The following PHACTR1 variants were observed in gnomAD, a reference collection of about 807,000 sequenced individuals.
The protein encoded by PHACTR1 is RPEL repeat containing 1.
Under a neutral mutation model 69.2 loss-of-function variants are expected in PHACTR1, and 16 were observed. The ratio of observed to expected loss-of-function variants is 0.23; its 90% CI spans 0.16 to 0.35. The LOEUF (loss-of-function observed/expected upper bound fraction) is 0.35, where lower values mean the gene tolerates loss of function less well. PHACTR1 is among the 10% of genes least tolerant of loss of function. The pLI, the probability that PHACTR1 is intolerant of heterozygous loss-of-function variation, is 1.00. For missense variants in PHACTR1, 510 were observed against 734.7 expected (o/e 0.69, Z 3.54); for synonymous variants, 312 against 284.5 (o/e 1.10, Z -0.97).
At chr6:12,790,586 T>C (rs572675360) in intron 4 of PHACTR1, among the ~76,000 whole-genome samples, 1 of 152,236 alleles carries the variant, frequency 6.6e-6, no homozygotes, top group Non-Finnish European at 1.5e-5. Flanking sequence ...GTCTGTTTTG[T>C]TCAGTAACCA....
chr6:13,166,473 A>G (rs1438562375), intron 6 of PHACTR1, among the ~76,000 whole-genome samples: 1 of 152,186 alleles, frequency 6.6e-6, no homozygotes, highest in Non-Finnish European at 1.5e-5. Context: ...GCAAATGCGA[A>G]TAGAAAGCAA....
At chr6:12,957,359 T>A in intron 4 of PHACTR1, 1 of 983,858 alleles carries the variant, frequency 1.0e-6, no homozygotes. Flanking sequence ...GCTTGCTGAG[T>A]CAGAAGACTC....
intron 4 of PHACTR1, among the ~76,000 whole-genome samples, chr6:12,921,534 G>GAGGA (rs1245272215): frequency 8.1e-6 from 1 of 123,136 alleles, no homozygotes; most frequent in Non-Finnish European, 1.7e-5. Context: ...GGGAGGGAGG[G>GAGGA]AGGAGGGAAA....
chr6:13,199,826 T>C (rs1764968292), intron 7 of PHACTR1, among the ~76,000 whole-genome samples: 1 of 152,238 alleles, frequency 6.6e-6, no homozygotes, highest in Non-Finnish European at 1.5e-5. Context: ...TCTTATCATT[T>C]ACAAAAGGCT....
At chr6:13,197,757 G>A (rs574688107) in intron 7 of PHACTR1, among the ~76,000 whole-genome samples, 60 of 152,174 alleles carry the variant, frequency 3.9e-4, no homozygotes, top group African/African-American at 1.2e-3. Flanking sequence ...TTCTGCCCTC[G>A]GCCCACAGCA....
At chr6:12,819,384 A>C (rs993811807) in intron 4 of PHACTR1, among the ~76,000 whole-genome samples, 4 of 152,196 alleles carry the variant, frequency 2.6e-5, no homozygotes, top group Non-Finnish European at 4.4e-5. Flanking sequence ...TGAACACTAG[A>C]GCAGCTCAAA....
At chr6:12,785,883 A>C (rs1771482681) in intron 4 of PHACTR1, among the ~76,000 whole-genome samples, 1 of 152,148 alleles carries the variant, frequency 6.6e-6, no homozygotes, top group Non-Finnish European at 1.5e-5. Flanking sequence ...TGTCCACTGA[A>C]TGTACTCACC....
At chr6:12,913,557 G>T (rs774259512) in intron 4 of PHACTR1, among the ~76,000 whole-genome samples, 1 of 152,232 alleles carries the variant, frequency 6.6e-6, no homozygotes, top group Non-Finnish European at 1.5e-5. Flanking sequence ...TAGTACGAGA[G>T]AACTCCTTAG....
intron 5 of PHACTR1, among the ~76,000 whole-genome samples, chr6:13,078,912 T>C (rs1810949952): frequency 1.3e-5 from 2 of 152,196 alleles, no homozygotes; most frequent in East Asian, 3.9e-4. Flanking sequence ...TCAGTTCCTA[T>C]TAGGAATAGA....
At chr6:13,094,712 A>G (rs535662274) in intron 5 of PHACTR1, among the ~76,000 whole-genome samples, 11 of 152,340 alleles carry the variant, frequency 7.2e-5, no homozygotes, top group Non-Finnish European at 1.3e-4. Flanking sequence ...TGACAGCACA[A>G]TTATACTACA....
chr6:12,763,129 C>G (rs1441902807), intron 4 of PHACTR1, among the ~76,000 whole-genome samples: 1 of 152,188 alleles, frequency 6.6e-6, no homozygotes, highest in African/African-American at 2.4e-5. Flanking sequence ...AGGAGAATCA[C>G]TTGAACCTGG....
At position 12,913,367 on chromosome 6, in the gene PHACTR1, A is replaced by G. The variant is rs147492571; in HGVS notation, c.251-139998A>G. Among the ~76,000 whole-genome samples the G allele has an allele frequency of 8.7e-3, 1,331 of 152,344 alleles. 26 individuals are homozygous for G. The highest frequency in any genetic ancestry group is 0.03 in the African/African-American group (1,240 of 41,574). The stretch of plus-strand genomic sequence containing the variant: ...AAAGTCCCACGACCCCGTTGCTGCA[A>G]ATCCAAAGAGCCATATGACAGTTAG... On this transcript the variant is annotated intron_variant, in intron 4 of 14. Transcript: ENST00000332995.
At chr6:12,934,276 A>C (rs1252185459) in intron 4 of PHACTR1, among the ~76,000 whole-genome samples, 1 of 152,228 alleles carries the variant, frequency 6.6e-6, no homozygotes, top group African/African-American at 2.4e-5. Context: ...TAAAGTCACC[A>C]GTCAAATTAT....
chr6:13,206,002 G>C lies in PHACTR1; in HGVS notation c.852G>C (p.Gln284His), dbSNP rs1765851621. The change falls in exon 8 of 15, where the codon CAG becomes CAC. Residue 284 changes from glutamine to histidine, a missense_variant. By Grantham distance (24) the Gln-to-His change is conservative. This residue lies in a region of PHACTR1 where 419 missense variants were observed against 530.9 expected (regional missense o/e 0.79). Coordinates refer to ENST00000332995, the MANE Select transcript of PHACTR1 (RefSeq NM_030948.6). Reference sequence around the variant, plus strand: ...ACACTGTCCTGCCCTCCCAGATCCAGCACCAGCTGCAGTACGGCAGCCACG... The same window carrying C: ...ACACTGTCCTGCCCTCCCAGATCCACCACCAGCTGCAGTACGGCAGCCACG... The part of the protein sequence containing the change: ...HHHTVLPSQI[Q>H]HQLQYGSHGQ... 1 of 1,613,970 alleles carries C rather than the reference G, an allele frequency of 6.2e-7. No individual in the cohort carries two copies. Among genetic ancestry groups the C allele is most frequent in the South Asian group, 1.1e-5 (1 of 91,080 alleles).
intron 7 of PHACTR1, among the ~76,000 whole-genome samples, chr6:13,195,757 C>CAAAAAAAA (rs869092852): frequency 0.014 from 595 of 41,398 alleles, 91 homozygotes; most frequent in Non-Finnish European, 0.021. Flanking sequence ...GACACCGTCT[C>CAAAAAAAA]AAAAAAAAAA....
intron 8 of PHACTR1, among the ~76,000 whole-genome samples, chr6:13,209,616 A>G (rs747981968): frequency 3.3e-5 from 5 of 152,230 alleles, no homozygotes; most frequent in Admixed American, 2.6e-4. Context: ...ACTGGACCAT[A>G]CATTTGCACA....
intron 7 of PHACTR1, among the ~76,000 whole-genome samples, chr6:13,187,428 G>T (rs1028145992): frequency 3.3e-5 from 5 of 152,202 alleles, no homozygotes; most frequent in Non-Finnish European, 7.3e-5. Flanking sequence ...AACCTCAGAG[G>T]TGGCAACATT....
At chr6:12,974,876 T>C (rs1014474367) in intron 4 of PHACTR1, among the ~76,000 whole-genome samples, 1 of 152,214 alleles carries the variant, frequency 6.6e-6, no homozygotes, top group Admixed American at 6.5e-5. Flanking sequence ...CACTGACCAC[T>C]GTGTGAAACA....
At chr6:13,116,137 A>G (rs951911118) in intron 5 of PHACTR1, among the ~76,000 whole-genome samples, 1 of 152,194 alleles carries the variant, frequency 6.6e-6, no homozygotes, top group Non-Finnish European at 1.5e-5. Flanking sequence ...ACAAGATGCA[A>G]TCATTATGGC....
Sources: allele counts gnomAD v4.1 joint callset (sites outside exome capture counted in the v4.1 genomes callset), GRCh38; gene constraint gnomAD v4.1.1; regional missense constraint gnomAD v4.1.1; transcripts MANE v1.5; gene names NCBI Gene and HGNC (gene_info 2026-07-23, HGNC 2026-07-21).